The following PREX1 variants were observed in gnomAD, a reference collection of about 807,000 sequenced individuals.
The protein encoded by PREX1 is phosphatidylinositol-3,4,5-trisphosphate dependent Rac exchange factor 1.
In PREX1, 41 loss-of-function variants were observed where a neutral mutation model predicts 198.3. The ratio of observed to expected loss-of-function variants is 0.21; its 90% CI spans 0.16 to 0.27. PREX1 has a LOEUF of 0.27. Ranked by LOEUF, PREX1 falls within the 10% of genes least tolerant of loss-of-function variation. PREX1 has a pLI of 1.00. For missense variants in PREX1, 1,620 were observed against 2,200.7 expected (o/e 0.74, Z 5.28); for synonymous variants, 843 against 887.2 (o/e 0.95, Z 0.89).
At chr20:48,809,763 C>T (rs1374583819) in intron 1 of PREX1, among the ~76,000 whole-genome samples, 1 of 152,152 alleles carries the variant, frequency 6.6e-6, no homozygotes, top group Non-Finnish European at 1.5e-5. Flanking sequence ...CAGGCAGGGA[C>T]CCTCTAACGC....
At chr20:48,823,601 A>G (rs2090496819) in intron 1 of PREX1, among the ~76,000 whole-genome samples, 1 of 152,224 alleles carries the variant, frequency 6.6e-6, no homozygotes, top group Non-Finnish European at 1.5e-5. Context: ...CGGAGCCCAG[A>G]GCAAGAACTC....
At chr20:48,641,443 T>C (rs2089409350) in intron 29 of PREX1, among the ~76,000 whole-genome samples, 1 of 152,150 alleles carries the variant, frequency 6.6e-6, no homozygotes, top group Non-Finnish European at 1.5e-5. Flanking sequence ...AGAGTGATAC[T>C]TTTTAAAAAG....
At chr20:48,689,850 C>T (rs1230311099) in intron 9 of PREX1, among the ~76,000 whole-genome samples, 2 of 152,204 alleles carry the variant, frequency 1.3e-5, no homozygotes, top group African/African-American at 2.4e-5. Flanking sequence ...GATTTGGCCC[C>T]GCTGGGCCCA....
intron 4 of PREX1, among the ~76,000 whole-genome samples, chr20:48,729,982 G>A (rs2090027586): frequency 6.6e-6 from 1 of 152,128 alleles, no homozygotes; most frequent in East Asian, 1.9e-4. Context: ...GAAGACAGAG[G>A]CAGAGATTGG....
chr20:48,668,813 C>T (rs1400557661), intron 14 of PREX1, among the ~76,000 whole-genome samples: 6 of 152,212 alleles, frequency 3.9e-5, no homozygotes, highest in African/African-American at 9.6e-5. Flanking sequence ...GCCTCCCCCA[C>T]GCCGTGAGGG....
At chr20:48,738,917 A>G (rs1341927897) in intron 3 of PREX1, among the ~76,000 whole-genome samples, 1 of 152,154 alleles carries the variant, frequency 6.6e-6, no homozygotes, top group East Asian at 1.9e-4. Context: ...GAGAGAAGTG[A>G]GAATCAGGTC....
chr20:48,636,143 G>A (rs2089361049), intron 32 of PREX1, among the ~76,000 whole-genome samples: 1 of 152,190 alleles, frequency 6.6e-6, no homozygotes, highest in African/African-American at 2.4e-5. Flanking sequence ...AACATCTCCA[G>A]ACATTACCAA....
chr20:48,736,305 A>G (rs1167677905), intron 3 of PREX1, among the ~76,000 whole-genome samples: 1 of 152,188 alleles, frequency 6.6e-6, no homozygotes, highest in Non-Finnish European at 1.5e-5. Context: ...ACACACACAT[A>G]CCACAAGACA....
Position 48,734,571 on chromosome 20 carries a change from A to T in PREX1, c.494T>A (p.Ile165Asn). The part of the protein sequence containing the change: ...ALRLLVELNK[I>N]PTVRAFLLSC... ...CAAAAGGAAGGCGCGCACGGTAGGG[A>T]TCTTGTTCAGCTCCACCAGCAGCCT... is the stretch of plus-strand genomic sequence containing the variant. The change falls in exon 4 of 40, where the codon ATC becomes AAC. Residue 165 changes from isoleucine (I) to asparagine (N), a missense_variant. This residue lies in a region of PREX1 where 488 missense variants were observed against 802.5 expected (regional missense o/e 0.61). Transcript: ENST00000371941. The T allele has an allele frequency of 1.9e-6, 3 of 1,614,070 alleles. No individual in the cohort carries two copies. Among genetic ancestry groups the T allele is most frequent in the Non-Finnish European group, 2.5e-6 (3 of 1,179,958 alleles).
At chr20:48,793,944 T>C (rs970319996) in intron 1 of PREX1, among the ~76,000 whole-genome samples, 3 of 152,190 alleles carry the variant, frequency 2.0e-5, no homozygotes, top group Admixed American at 6.5e-5. Flanking sequence ...AGCAAGTGGC[T>C]CAGTAGCCCA....
chr20:48,720,985 T>G (rs2089982632), intron 5 of PREX1, among the ~76,000 whole-genome samples: 1 of 152,170 alleles, frequency 6.6e-6, no homozygotes, highest in African/African-American at 2.4e-5. Flanking sequence ...GCAACCCCAC[T>G]AGAGCAGCTG....
rs2089774274 is a variant in PREX1, at chr20:48,684,719, C to A, written c.1335-3384G>T. Reference sequence around the variant, plus strand: ...ACTCCTCCAGTGGCTTCCCACAGCACCAAGACGGAAATGTGAGCTGCCTGC... The same window carrying A: ...ACTCCTCCAGTGGCTTCCCACAGCAACAAGACGGAAATGTGAGCTGCCTGC... On this transcript the variant is annotated intron_variant, in intron 10 of 39. Transcript: ENST00000371941. This position sits in a 1 kb window ranked among gnomAD's most constrained non-coding sequence, Gnocchi z 4.2. Among the ~76,000 whole-genome samples, 1 of 152,160 alleles carries A rather than the reference C, an allele frequency of 6.6e-6. No individual in the cohort carries two copies. The highest frequency in any genetic ancestry group is 2.1e-4 in the South Asian group (1 of 4,820).
At chr20:48,632,663 T>G (rs1601027989) in intron 33 of PREX1, 24 bp from the exon 34 acceptor site, 1 of 1,612,260 alleles carries the variant, frequency 6.2e-7, no homozygotes, top group Middle Eastern at 1.7e-4. Context: ...TGGGGCAGGA[T>G]GACTCACCAC....
At chr20:48,659,804 ATTCT>A in intron 16 of PREX1, 111 bp downstream of exon 16, 5 of 1,439,998 alleles carry the variant, frequency 3.5e-6, no homozygotes, top group Non-Finnish European at 4.8e-6. Context: ...GAATCCACCT[ATTCT>A]GGTACTCCAA....
chr20:48,858,500 T>C, the PREX1 span, among the ~76,000 whole-genome samples: 1 of 152,198 alleles, frequency 6.6e-6, no homozygotes, highest in Admixed American at 6.5e-5. Flanking sequence ...CAGAGAGACC[T>C]TTCAGGAGCG....
intron 1 of PREX1, among the ~76,000 whole-genome samples, chr20:48,776,047 A>C (rs1970716621): frequency 6.6e-6 from 1 of 152,110 alleles, no homozygotes; most frequent in Non-Finnish European, 1.5e-5. Context: ...AGCAGGGGGA[A>C]GAGACAAGCA....
chr20:48,797,779 G>A (rs539302631), intron 1 of PREX1, among the ~76,000 whole-genome samples: 28 of 152,196 alleles, frequency 1.8e-4, no homozygotes, highest in African/African-American at 5.3e-4. Context: ...CCCGGCCAGC[G>A]GCACATCCAC....
intron 1 of PREX1, among the ~76,000 whole-genome samples, chr20:48,807,905 G>A (rs2090418953): frequency 6.6e-6 from 1 of 152,110 alleles, no homozygotes; most frequent in Non-Finnish European, 1.5e-5. Context: ...GTGTGGGGGA[G>A]CAGGCTGTCC....
chr20:48,870,049 C>T, the PREX1 span, among the ~76,000 whole-genome samples: 93 of 152,234 alleles, frequency 6.1e-4, no homozygotes, highest in African/African-American at 1.8e-3. Flanking sequence ...GCCTGAATAA[C>T]CTCCTACATA....
Sources: allele counts gnomAD v4.1 joint callset (sites outside exome capture counted in the v4.1 genomes callset), GRCh38; gene constraint gnomAD v4.1.1; regional missense constraint gnomAD v4.1.1; non-coding constraint Gnocchi (gnomAD v3.1); transcripts MANE v1.5; gene names NCBI Gene and HGNC (gene_info 2026-07-23, HGNC 2026-07-21).